The following NBEA variants were observed in gnomAD, a reference collection of about 807,000 sequenced individuals.
NBEA encodes neurobeachin, also known as lysosomal-trafficking regulator 2.
NBEA carries 44 observed loss-of-function variants against 343.4 expected under a neutral mutation model. That is an observed-to-expected ratio of 0.13 (90% CI 0.10 to 0.16). The LOEUF is 0.16. NBEA is among the 10% of genes least tolerant of loss of function. NBEA has a pLI of 1.00. For synonymous variants in NBEA, 1,175 were observed against 1,238.7 expected, an observed-to-expected ratio of 0.95 and a Z score of 1.08; for missense variants, 2,555 against 3,631.3, an observed-to-expected ratio of 0.70 and a Z score of 7.62.
At chr13:35,076,640 G>A (rs1023013447) in intron 10 of NBEA, among the ~76,000 whole-genome samples, 1 of 151,720 alleles carries the variant, frequency 6.6e-6, no homozygotes, top group African/African-American at 2.4e-5. Context: ...CCTCTCTCTT[G>A]CTGTGGAAAA....
chr13:35,541,111 CT>C (rs1555296643), intron 41 of NBEA, among the ~76,000 whole-genome samples: 2 of 152,122 alleles, frequency 1.3e-5, no homozygotes, highest in Non-Finnish European at 2.9e-5. Context: ...CCCACTCACC[CT>C]TTGTTGTTCT....
chr13:35,437,110 A>G (rs1382358630), intron 39 of NBEA, among the ~76,000 whole-genome samples: 1 of 152,186 alleles, frequency 6.6e-6, no homozygotes, highest in Non-Finnish European at 1.5e-5. Flanking sequence ...ATGTTTTAAT[A>G]AAAATATCTT....
At chr13:35,069,084 A>T (rs1379050608) in intron 8 of NBEA, among the ~76,000 whole-genome samples, 1 of 152,198 alleles carries the variant, frequency 6.6e-6, no homozygotes, top group Non-Finnish European at 1.5e-5. Context: ...CAGGATTTTA[A>T]GATGATTTCA....
intron 1 of NBEA, among the ~76,000 whole-genome samples, chr13:35,009,897 T>A (rs1053636721): frequency 6.6e-6 from 1 of 152,126 alleles, no homozygotes; most frequent in African/African-American, 2.4e-5. Context: ...GCTAGACATT[T>A]GAATGTGGGG....
chr13:35,301,360 C>G (rs2036531620), intron 35 of NBEA, among the ~76,000 whole-genome samples: 1 of 151,886 alleles, frequency 6.6e-6, no homozygotes, highest in African/African-American at 2.4e-5. Context: ...CCCAACAGGC[C>G]CCAGTGTGTG....
intron 30 of NBEA, among the ~76,000 whole-genome samples, chr13:35,192,198 C>G (rs1208486251): frequency 6.6e-6 from 1 of 151,972 alleles, no homozygotes; most frequent in Non-Finnish European, 1.5e-5. Flanking sequence ...GCAGTTCATG[C>G]CTAACTTCCT....
chr13:35,211,605 A>G (rs891374023), intron 33 of NBEA, among the ~76,000 whole-genome samples: 2 of 152,240 alleles, frequency 1.3e-5, no homozygotes, highest in Non-Finnish European at 2.9e-5. Flanking sequence ...ACTTGAGGCC[A>G]GAAGTTGGAG....
chr13:35,151,100 C>G (rs891147613), intron 18 of NBEA, among the ~76,000 whole-genome samples: 1 of 103,148 alleles, frequency 9.7e-6, no homozygotes, highest in Non-Finnish European at 1.9e-5. Flanking sequence ...GGTCGACAAA[C>G]AAGACACTGG....
At chr13:35,491,463 C>T (rs1447647429) in intron 41 of NBEA, among the ~76,000 whole-genome samples, 2 of 151,914 alleles carry the variant, frequency 1.3e-5, no homozygotes, top group Admixed American at 6.6e-5. Context: ...GCACCTGCTT[C>T]TCCATCAGTC....
At chr13:35,502,953 A>G (rs1594822398) in intron 41 of NBEA, among the ~76,000 whole-genome samples, 1 of 152,138 alleles carries the variant, frequency 6.6e-6, no homozygotes, top group East Asian at 1.9e-4. Flanking sequence ...TATATCATTT[A>G]TCTTTTAAGA....
intron 18 of NBEA, among the ~76,000 whole-genome samples, chr13:35,149,963 A>G (rs570466793): frequency 6.6e-6 from 1 of 152,300 alleles, no homozygotes; most frequent in East Asian, 1.9e-4. Flanking sequence ...TCCTGTGTAT[A>G]CCTAGTATCC....
chr13:35,446,579 A>G (rs1220077920), intron 39 of NBEA, among the ~76,000 whole-genome samples: 1 of 152,194 alleles, frequency 6.6e-6, no homozygotes, highest in African/African-American at 2.4e-5. Flanking sequence ...AAGAAATTAC[A>G]TAGGTCGGAC....
At chr13:35,589,849 A>G (rs1244876275) in intron 46 of NBEA, among the ~76,000 whole-genome samples, 1 of 152,108 alleles carries the variant, frequency 6.6e-6, no homozygotes, top group Non-Finnish European at 1.5e-5. Flanking sequence ...GGGTTGGAAG[A>G]TATGAAATGA....
At chr13:35,155,894 G>T in intron 19 of NBEA, 39 bp downstream of exon 19, 1 of 1,559,264 alleles carries the variant, frequency 6.4e-7, no homozygotes, top group East Asian at 2.2e-5. Flanking sequence ...TGTGGTAGGC[G>T]CATGGCAACA....
intron 38 of NBEA, among the ~76,000 whole-genome samples, chr13:35,394,027 A>C (rs771680104): frequency 4.6e-5 from 7 of 152,148 alleles, no homozygotes; most frequent in Non-Finnish European, 1.0e-4. Context: ...CAAGATGACT[A>C]AGGCTCACCT....
intron 34 of NBEA, among the ~76,000 whole-genome samples, chr13:35,283,454 C>T (rs926395708): frequency 5.9e-5 from 9 of 151,870 alleles, no homozygotes; most frequent in African/African-American, 2.2e-4. Context: ...CTGAAATTTC[C>T]GTAGGGAAAT....
chr13:35,108,857 A>C (rs1253037634), intron 11 of NBEA, among the ~76,000 whole-genome samples: 1 of 152,120 alleles, frequency 6.6e-6, no homozygotes, highest in Non-Finnish European at 1.5e-5. Context: ...TTTATGGAGA[A>C]GAGAAGGCCA....
chr13:35,025,662 GA>G (rs1303221154), intron 1 of NBEA, among the ~76,000 whole-genome samples: 1 of 151,986 alleles, frequency 6.6e-6, no homozygotes, highest in African/African-American at 2.4e-5. Context: ...TCTAGTGGGA[GA>G]GTGATGAATT....
intron 39 of NBEA, among the ~76,000 whole-genome samples, chr13:35,450,655 C>T (rs73504703): frequency 0.017 from 2,616 of 152,224 alleles, 94 homozygotes; most frequent in African/African-American, 0.059. Flanking sequence ...ATAATGTCCC[C>T]TAAAAATATA....
Sources: gnomAD v4.1 joint callset for allele counts (sites outside exome capture counted in the v4.1 genomes callset) on GRCh38, gnomAD v4.1.1 for gene constraint, MANE v1.5 for transcripts, NCBI Gene and HGNC (gene_info 2026-07-23, HGNC 2026-07-21) for gene names.